CAPRIN2: variants seen among roughly 807,000 people sequenced by gnomAD.
CAPRIN2 encodes caprin-2.
Under a neutral mutation model 130.4 loss-of-function variants are expected in CAPRIN2, and 66 were observed. The observed-to-expected ratio is 0.51, with a 90% CI of 0.42 to 0.62. CAPRIN2 has a LOEUF of 0.62. Among genes scored for constraint, CAPRIN2 ranks in the 20% least tolerant of loss-of-function variants. The pLI, the probability that CAPRIN2 is intolerant of heterozygous loss-of-function variation, is 0.00. For missense variants in CAPRIN2, 1,185 were observed against 1,246.6 expected, an observed-to-expected ratio of 0.95 and a Z score of 0.74; for synonymous variants, 471 against 444.1, an observed-to-expected ratio of 1.06 and a Z score of -0.76.
At chr12:30,725,399 T>C (rs535333886) in intron 9 of CAPRIN2, among the ~76,000 whole-genome samples, 2 of 152,340 alleles carry the variant, frequency 1.3e-5, no homozygotes, top group East Asian at 1.9e-4. Context: ...CCCAGGCCCA[T>C]ATTCAAAGCT....
chr12:30,709,847 C>T (rs1385761857), exon 17 of CAPRIN2: 2 of 1,532,406 alleles, frequency 1.3e-6, no homozygotes, highest in Non-Finnish European at 1.8e-6. Flanking sequence ...ACTACTTTTC[C>T]TTCAATCCCA....
chr12:30,722,470 A>C (rs1458199955), intron 11 of CAPRIN2, among the ~76,000 whole-genome samples: 2 of 152,160 alleles, frequency 1.3e-5, no homozygotes, highest in African/African-American at 2.4e-5. Context: ...CTTTTCAAAA[A>C]ATTTACCTTG....
At chr12:30,729,760 T>C (rs2062010684) in intron 7 of CAPRIN2, among the ~76,000 whole-genome samples, 1 of 151,978 alleles carries the variant, frequency 6.6e-6, no homozygotes, top group Non-Finnish European at 1.5e-5. Flanking sequence ...CAGTGTTTTC[T>C]TTATTTCCCT....
intron 1 of CAPRIN2, among the ~76,000 whole-genome samples, 177 bp downstream of exon 2, chr12:30,753,167 T>G (rs2074819061): frequency 6.6e-6 from 1 of 152,250 alleles, no homozygotes; most frequent in Non-Finnish European, 1.5e-5. Context: ...TCCGTTGTTT[T>G]GACAAATGAA....
intron 5 of CAPRIN2, 119 bp from the exon 7 acceptor site, chr12:30,731,629 A>G: frequency 1.3e-6 from 1 of 768,248 alleles, no homozygotes; most frequent in East Asian, 2.6e-5. Flanking sequence ...ATTGATGTAC[A>G]TAGTACATCC....
chr12:30,746,546 T>C (rs7304221), intron 2 of CAPRIN2, among the ~76,000 whole-genome samples: 74,085 of 152,064 alleles, frequency 0.49, 18,586 homozygotes, highest in African/African-American at 0.56. Flanking sequence ...GAGATGGTGA[T>C]AGTGGAAGAG....
chr12:30,751,138 A>G lies in CAPRIN2; in HGVS notation c.421-5T>C, dbSNP rs2073602291. 3.7e-6 allele frequency: 6 copies of G among 1,612,502 alleles called. No individual in the cohort carries two copies. The highest frequency in any genetic ancestry group is 5.1e-6 in the Non-Finnish European group (6 of 1,178,624). On this transcript the variant is annotated splice_polypyrimidine_tract_variant and splice_region_variant and intron_variant, in intron 1 of 16. Coordinates refer to ENST00000298892, the Ensembl canonical transcript of CAPRIN2. ...CTTATAATCCTCCAGTTTGAGCTAC[A>G]AAAGAGAAACTTGTATCTACCATAG...
chr12:30,733,699 C>T (rs1430909979), exon 5 of CAPRIN2: 1 of 1,613,192 alleles, frequency 6.2e-7, no homozygotes, highest in Non-Finnish European at 8.5e-7. Flanking sequence ...ACTGCTCCAT[C>T]TGGTCTTCAA....
At chr12:30,753,786 C>T (rs778600724) in exon 1 of CAPRIN2, 23 of 1,578,378 alleles carry the variant, frequency 1.5e-5, no homozygotes, top group East Asian at 4.5e-5. Flanking sequence ...GTAATTAGTG[C>T]CGCTAGCCAA....
chr12:30,709,840 A>G, exon 17 of CAPRIN2: 1 of 1,516,858 alleles, frequency 6.6e-7, no homozygotes, highest in Non-Finnish European at 8.9e-7. Flanking sequence ...GGCAAAGACT[A>G]CTTTTCCTTC....
At chr12:30,750,616 AG>A (rs1565716885) in intron 2 of CAPRIN2, among the ~76,000 whole-genome samples, 1 of 152,142 alleles carries the variant, frequency 6.6e-6, no homozygotes, top group Non-Finnish European at 1.5e-5. Flanking sequence ...ATAGAAAAGT[AG>A]GAAGAGACCA....
intron 3 of CAPRIN2, among the ~76,000 whole-genome samples, chr12:30,740,327 G>A (rs1022104752): frequency 1.3e-5 from 2 of 151,958 alleles, no homozygotes; most frequent in African/African-American, 4.8e-5. Flanking sequence ...AAATAGAAGA[G>A]ATTATCTTAT....
chr12:30,722,000 G>A (rs1222644044), intron 11 of CAPRIN2, among the ~76,000 whole-genome samples: 2 of 152,174 alleles, frequency 1.3e-5, no homozygotes, highest in African/African-American at 4.8e-5. Context: ...TGAGACAAGT[G>A]CCCAAGAAAA....
At position 30,716,705 on chromosome 12, in the gene CAPRIN2, T is replaced by C. The variant is rs553012579; in HGVS notation, c.2149-29A>G. 85 of 1,597,830 alleles carry C rather than the reference T, an allele frequency of 5.3e-5. 1 individual carries two copies. The South Asian group carries it at 7.2e-4, about 14-fold the overall frequency. ...AAAAGACAAGGACACACTGAGTCAT[T>C]TGGGAAGTTTCAAAGAAAATGCTTA... On this transcript the variant is annotated intron_variant, in intron 12 of 16. Coordinates refer to ENST00000298892, the Ensembl canonical transcript of CAPRIN2.
chr12:30,728,909 T>C (rs1185931637), exon 8 of CAPRIN2: 1 of 1,614,170 alleles, frequency 6.2e-7, no homozygotes, highest in Non-Finnish European at 8.5e-7. Context: ...TTTGCTTCTT[T>C]GGATCTTGTT....
chr12:30,712,586 G>A (rs192868614), intron 15 of CAPRIN2, among the ~76,000 whole-genome samples: 1 of 152,230 alleles, frequency 6.6e-6, no homozygotes, highest in East Asian at 1.9e-4. Context: ...ATATCTCATG[G>A]AGAATACCTC....
intron 12 of CAPRIN2, chr12:30,720,496 CTT>C (rs1169965544): frequency 5.4e-6 from 1 of 184,092 alleles, no homozygotes; most frequent in African/African-American, 2.4e-5. Flanking sequence ...AAATAAGAGA[CTT>C]TTCTCCTAAA....
chr12:30,745,498 C>T (rs929306616), intron 2 of CAPRIN2, among the ~76,000 whole-genome samples: 5 of 152,066 alleles, frequency 3.3e-5, no homozygotes, highest in African/African-American at 9.7e-5. Context: ...TTCAAAGAGG[C>T]TGCAAGAGCC....
exon 8 of CAPRIN2, chr12:30,728,968 G>C (rs759434167): frequency 1.9e-6 from 3 of 1,614,122 alleles, no homozygotes; most frequent in South Asian, 1.1e-5. Flanking sequence ...TGTTTCTTTT[G>C]TTCCTCTTGA....
Sources: allele counts gnomAD v4.1 joint callset (sites outside exome capture counted in the v4.1 genomes callset), GRCh38; gene constraint gnomAD v4.1.1; transcripts MANE v1.5; gene names NCBI Gene and HGNC (gene_info 2026-07-23, HGNC 2026-07-21).